DKK2: variants seen among roughly 807,000 people sequenced by gnomAD.
The protein encoded by DKK2 is dickkopf Wnt signaling pathway inhibitor 2.
In DKK2, 11 loss-of-function variants were observed where a neutral mutation model predicts 28.1. That is an observed-to-expected ratio of 0.39 (90% CI 0.25 to 0.65). The LOEUF is 0.65. Ranked by LOEUF, DKK2 falls within the 30% of genes least tolerant of loss-of-function variation. The pLI, the probability that DKK2 is intolerant of heterozygous loss-of-function variation, is 0.47. For synonymous variants in DKK2, 135 were observed against 126.5 expected (o/e 1.07, Z -0.45); for missense variants, 326 against 335.5 (o/e 0.97, Z 0.22).
At chr4:107,032,428 GTTTATC>G (rs1194059142) in intron 1 of DKK2, among the ~76,000 whole-genome samples, 8 of 151,974 alleles carry the variant, frequency 5.3e-5, no homozygotes, top group Middle Eastern at 3.2e-3. Context: ...AAATAAGAAT[GTTTATC>G]TTTATATGAA....
rs1009476285 is a variant in DKK2, at chr4:107,035,781, G to T, written c.-190C>A. On this transcript the variant is annotated 5_prime_UTR_variant, in exon 1 of 4. Coordinates refer to ENST00000285311, the MANE Select transcript of DKK2 (RefSeq NM_014421.3). ...CTCACGCCTCAGGACAGAAATTAGCGGAACCCAAGCGAGACCCGCTTCTCC... is the reference window on the plus strand; with the variant it reads ...CTCACGCCTCAGGACAGAAATTAGCTGAACCCAAGCGAGACCCGCTTCTCC... The T allele has an allele frequency of 2.8e-5, 17 of 610,828 alleles. No homozygotes were observed. Among genetic ancestry groups the T allele is most frequent in the Middle Eastern group, 4.4e-4 (1 of 2,286 alleles). The allele number at this position is 610,828 out of a possible 1,614,324, so 37.8% of individuals were successfully genotyped here.
chr4:107,014,682 G>T (rs1723566255), intron 1 of DKK2, among the ~76,000 whole-genome samples: 1 of 151,596 alleles, frequency 6.6e-6, no homozygotes, highest in Non-Finnish European at 1.5e-5. Flanking sequence ...AAAGTTTGAG[G>T]TGATGGATAT....
intron 1 of DKK2, among the ~76,000 whole-genome samples, chr4:107,011,468 C>T (rs1723515723): frequency 6.6e-6 from 1 of 151,608 alleles, no homozygotes; most frequent in African/African-American, 2.4e-5. Flanking sequence ...GTTTGTCAGT[C>T]ATTCTTTTTA....
At chr4:107,021,955 C>T (rs1383387868) in intron 1 of DKK2, among the ~76,000 whole-genome samples, 1 of 152,074 alleles carries the variant, frequency 6.6e-6, no homozygotes, top group Admixed American at 6.6e-5. Flanking sequence ...CCCTTGATTA[C>T]ATTTTCTGTT....
intron 1 of DKK2, among the ~76,000 whole-genome samples, chr4:106,954,354 AT>A (rs1274055912): frequency 6.6e-6 from 1 of 151,872 alleles, no homozygotes; most frequent in Non-Finnish European, 1.5e-5. Flanking sequence ...TCACTTCTTT[AT>A]TTTTTTCATA....
intron 1 of DKK2, among the ~76,000 whole-genome samples, chr4:106,937,242 C>G (rs1211129607): frequency 3.9e-4 from 54 of 137,602 alleles, no homozygotes; most frequent in Non-Finnish European, 7.1e-4. Context: ...CAGAGACACA[C>G]ATAGGCTCAA....
chr4:106,961,978 G>A lies in DKK2; in HGVS notation c.223-36029C>T, dbSNP rs541505227. ...CAAAGCTTGAGAACATAAATCCACCGATAATTCTCAAGTCTTAGCTTGTCA... is the reference window on the plus strand; with the variant it reads ...CAAAGCTTGAGAACATAAATCCACCAATAATTCTCAAGTCTTAGCTTGTCA... On this transcript the variant is annotated intron_variant, in intron 1 of 3. Transcript: ENST00000285311. Among the ~76,000 whole-genome samples the A allele has an allele frequency of 1.8e-4, 27 of 152,170 alleles. 1 individual carries two copies. The South Asian group carries it at 4.8e-3, about 27-fold the overall frequency.
intron 1 of DKK2, among the ~76,000 whole-genome samples, chr4:106,972,255 G>A (rs1722878703): frequency 6.6e-6 from 1 of 151,806 alleles, no homozygotes; most frequent in Non-Finnish European, 1.5e-5. Flanking sequence ...TCAATTTACA[G>A]AAGCAAATTT....
At chr4:107,017,138 C>G (rs1723621433) in intron 1 of DKK2, among the ~76,000 whole-genome samples, 1 of 151,880 alleles carries the variant, frequency 6.6e-6, no homozygotes, top group Non-Finnish European at 1.5e-5. Flanking sequence ...CTCTATTTCC[C>G]TAAGTATTTG....
At chr4:106,974,278 A>G (rs1722909854) in intron 1 of DKK2, among the ~76,000 whole-genome samples, 1 of 152,150 alleles carries the variant, frequency 6.6e-6, no homozygotes, top group Non-Finnish European at 1.5e-5. Flanking sequence ...TTCTGTGAAG[A>G]AAGTCAATGG....
At chr4:107,012,946 T>A (rs1337443208) in intron 1 of DKK2, among the ~76,000 whole-genome samples, 1 of 150,578 alleles carries the variant, frequency 6.6e-6, no homozygotes, top group East Asian at 1.9e-4. Context: ...TTTAAGTATA[T>A]TTTATAAATG....
chr4:107,033,878 A>G (rs1271487160), intron 1 of DKK2, among the ~76,000 whole-genome samples: 3 of 152,142 alleles, frequency 2.0e-5, no homozygotes, highest in African/African-American at 7.2e-5. Context: ...AGGAGAGAAA[A>G]AGCGAAGGAA....
rs902400816 is a variant in DKK2 at position 106,985,053 on chromosome 4, CA to C, written c.222+50316del. Among the ~76,000 whole-genome samples the C allele has an allele frequency of 1.1e-3, 171 of 151,936 alleles. 1 individual carries two copies. The highest frequency in any genetic ancestry group is 6.1e-3 in the Admixed American group (93 of 15,266). On this transcript the variant is annotated intron_variant, in intron 1 of 3. Coordinates refer to ENST00000285311, the MANE Select transcript of DKK2 (RefSeq NM_014421.3). ...TGAAACCCCGTCTCTACTAAAAATA[CA>C]AAAATTTAGCTGGGTGAGGTGGCGG...
At chr4:106,976,819 G>T (rs1174424532) in intron 1 of DKK2, among the ~76,000 whole-genome samples, 2 of 152,190 alleles carry the variant, frequency 1.3e-5, no homozygotes, top group Non-Finnish European at 2.9e-5. Flanking sequence ...AGTTGATGCA[G>T]TTTCTTCAAA....
chr4:106,937,031 A>G (rs970931134), intron 1 of DKK2, among the ~76,000 whole-genome samples: 3 of 152,306 alleles, frequency 2.0e-5, no homozygotes, highest in Middle Eastern at 3.4e-3. Context: ...TGTAAAGACC[A>G]TCAAGACTAG....
In DKK2 at chr4:106,924,539, C is replaced by A; in HGVS notation, c.529+6G>T. 1 of 1,612,844 alleles carries A rather than the reference C, an allele frequency of 6.2e-7. No homozygotes were observed. The highest frequency in any genetic ancestry group is 8.5e-7 in the Non-Finnish European group (1 of 1,179,322). ...AAAAAAACCCCAGAACTACAGATAT[C>A]CCTACCTTTTATATGTGACATCTTA... On this transcript the variant is annotated splice_donor_region_variant and intron_variant, in intron 3 of 3. Coordinates refer to ENST00000285311, the MANE Select transcript of DKK2 (RefSeq NM_014421.3).
chr4:106,996,765 G>A lies in DKK2; in HGVS notation c.222+38605C>T, dbSNP rs888519100. On this transcript the variant is annotated intron_variant, in intron 1 of 3. Coordinates refer to ENST00000285311, the MANE Select transcript of DKK2 (RefSeq NM_014421.3). ...TTTCCTGCTTCTCTGAAAAACGTCT[G>A]CCTGACACCTACTTTAGCCTTTCTT... 5.9e-5 allele frequency among the ~76,000 whole-genome samples: 9 copies of A among 152,316 alleles called. 1 individual carries two copies. Among genetic ancestry groups the A allele is most frequent in the Admixed American group, 5.9e-4 (9 of 15,298 alleles).
chr4:107,033,795 C>G (rs1225582307), intron 1 of DKK2, among the ~76,000 whole-genome samples: 1 of 152,006 alleles, frequency 6.6e-6, no homozygotes, highest in Non-Finnish European at 1.5e-5. Flanking sequence ...CTTTCTAATC[C>G]CTGTTCCATT....
At chr4:106,962,703 A>G (rs1471914453) in intron 1 of DKK2, among the ~76,000 whole-genome samples, 2 of 152,118 alleles carry the variant, frequency 1.3e-5, no homozygotes, top group Non-Finnish European at 2.9e-5. Context: ...CTGGGCACAG[A>G]TTTCTTGAGT....
Sources: allele counts gnomAD v4.1 joint callset (sites outside exome capture counted in the v4.1 genomes callset), GRCh38; gene constraint gnomAD v4.1.1; transcripts MANE v1.5; gene names NCBI Gene and HGNC (gene_info 2026-07-23, HGNC 2026-07-21).